Variants in NKAIN2 observed in about 807,000 individuals in gnomAD.
The protein encoded by NKAIN2 is sodium/potassium-transporting ATPase subunit beta-1-interacting protein 2.
NKAIN2 carries 14 observed loss-of-function variants against 32.6 expected under a neutral mutation model. That is an observed-to-expected ratio of 0.43 (90% CI 0.28 to 0.67). The LOEUF (loss-of-function observed/expected upper bound fraction) is 0.67. NKAIN2 is among the 30% of genes least tolerant of loss of function. NKAIN2 has a pLI of 0.17. For synonymous variants in NKAIN2, 80 were observed against 87.2 expected (o/e 0.92, Z 0.46); for missense variants, 198 against 258.3 (o/e 0.77, Z 1.60).
At chr6:124,412,663 A>C (rs1179702669) in intron 3 of NKAIN2, among the ~76,000 whole-genome samples, 2 of 152,102 alleles carry the variant, frequency 1.3e-5, no homozygotes, top group African/African-American at 4.8e-5. Context: ...CTCAGATCTC[A>C]AGCTGCGTGC....
At chr6:124,137,476 C>T (rs1786874734) in intron 1 of NKAIN2, among the ~76,000 whole-genome samples, 1 of 151,936 alleles carries the variant, frequency 6.6e-6, no homozygotes, top group Non-Finnish European at 1.5e-5. Flanking sequence ...ATCAAAATAC[C>T]ATCATTATTC....
intron 3 of NKAIN2, among the ~76,000 whole-genome samples, chr6:124,553,440 T>G (rs928317129): frequency 1.3e-5 from 2 of 152,136 alleles, no homozygotes; most frequent in African/African-American, 4.8e-5. Flanking sequence ...CCCGAGTAGC[T>G]GGGATTACAG....
chr6:123,884,496 G>A (rs1305526517), intron 1 of NKAIN2, among the ~76,000 whole-genome samples: 3 of 152,094 alleles, frequency 2.0e-5, no homozygotes, highest in Admixed American at 6.6e-5. Flanking sequence ...GGGTGGGTGT[G>A]TGTGTTTCTT....
intron 3 of NKAIN2, among the ~76,000 whole-genome samples, chr6:124,613,349 C>T (rs1782764795): frequency 6.6e-6 from 1 of 152,156 alleles, no homozygotes; most frequent in Non-Finnish European, 1.5e-5. Context: ...GCCTTTCATG[C>T]ATGTCTTCCT....
chr6:124,323,015 C>G (rs1305962321), intron 2 of NKAIN2, among the ~76,000 whole-genome samples: 1 of 152,124 alleles, frequency 6.6e-6, no homozygotes, highest in Non-Finnish European at 1.5e-5. Context: ...TTTGCATTTC[C>G]CTAATGGCTA....
intron 1 of NKAIN2, among the ~76,000 whole-genome samples, chr6:124,271,616 C>T (rs986831266): frequency 2.1e-4 from 32 of 152,304 alleles, no homozygotes; most frequent in African/African-American, 7.0e-4. Context: ...GAATACGAAG[C>T]TGCTATAAAG....
At chr6:124,600,726 C>T (rs1782272843) in intron 3 of NKAIN2, among the ~76,000 whole-genome samples, 1 of 151,960 alleles carries the variant, frequency 6.6e-6, no homozygotes, top group African/African-American at 2.4e-5. Flanking sequence ...TGTAAACCTC[C>T]TATAGATAAA....
chr6:124,617,512 C>A (rs548986572), intron 3 of NKAIN2, among the ~76,000 whole-genome samples: 3 of 152,248 alleles, frequency 2.0e-5, no homozygotes, highest in Middle Eastern at 3.4e-3. Context: ...GATCTTCCTT[C>A]CTTGTAAAAT....
chr6:124,229,533 T>TAGATAGATAGACAGACAGACAGACAGAC (rs1298590453), intron 1 of NKAIN2, among the ~76,000 whole-genome samples: 6 of 149,066 alleles, frequency 4.0e-5, no homozygotes, highest in African/African-American at 1.5e-4. Flanking sequence ...GATAGATAGA[T>TAGATAGATAGACAGACAGACAGACAGAC]AGACAGACAG....
intron 1 of NKAIN2, among the ~76,000 whole-genome samples, chr6:123,997,143 TA>T (rs1187376666): frequency 6.6e-6 from 1 of 152,192 alleles, no homozygotes; most frequent in Admixed American, 6.5e-5. Context: ...GATCAGAAGA[TA>T]AAGGTGTTAA....
intron 2 of NKAIN2, among the ~76,000 whole-genome samples, chr6:124,323,165 A>G (rs982900750): frequency 6.6e-6 from 1 of 152,166 alleles, no homozygotes; most frequent in Non-Finnish European, 1.5e-5. Context: ...TAAATATAAT[A>G]AATATAAGTT....
At chr6:124,643,842 ACT>A (rs1784075166) in intron 3 of NKAIN2, among the ~76,000 whole-genome samples, 1 of 152,138 alleles carries the variant, frequency 6.6e-6, no homozygotes, top group Non-Finnish European at 1.5e-5. Context: ...TTAAATTGCA[ACT>A]CTCACACTCC....
At chr6:124,664,751 G>C (rs1277932294) in intron 4 of NKAIN2, among the ~76,000 whole-genome samples, 1 of 108,866 alleles carries the variant, frequency 9.2e-6, no homozygotes, top group African/African-American at 3.5e-5. Context: ...CCGAGATCCC[G>C]CCACTGCACT....
rs576468663 is a variant in NKAIN2, at chr6:124,526,088, ATATG to A, written c.274-132097_274-132094del. On this transcript the variant is annotated intron_variant, in intron 3 of 6. Transcript: ENST00000368417. ...AGGAGGGCAATGCATATGAAGTAGA[ATATG>A]CAATGGGAATCTTCTAGATAGAAGA... is the stretch of plus-strand genomic sequence containing the variant. Among the ~76,000 whole-genome samples the A allele has an allele frequency of 3.2e-4, 48 of 152,302 alleles. 1 individual carries two copies. In the South Asian group the frequency reaches 9.3e-3, roughly 30 times the overall value.
chr6:124,806,609 T>C (rs1395807779), intron 5 of NKAIN2, among the ~76,000 whole-genome samples: 1 of 151,804 alleles, frequency 6.6e-6, no homozygotes, highest in Non-Finnish European at 1.5e-5. Flanking sequence ...GCTAACATCA[T>C]AATGACAGGT....
At chr6:123,935,926 A>G (rs1007545115) in intron 1 of NKAIN2, among the ~76,000 whole-genome samples, 17 of 151,996 alleles carry the variant, frequency 1.1e-4, no homozygotes, top group Non-Finnish European at 1.9e-4. Flanking sequence ...TTCTTTAGGG[A>G]AAAAAATAGA....
chr6:124,769,877 T>G (rs960717872), intron 4 of NKAIN2, among the ~76,000 whole-genome samples: 2 of 152,178 alleles, frequency 1.3e-5, no homozygotes, highest in African/African-American at 4.8e-5. Flanking sequence ...GCACACTCTA[T>G]ATTGACATTC....
rs1344181296 is a variant in NKAIN2, at chr6:124,380,973, A to G, written c.273+25626A>G. The stretch of plus-strand genomic sequence containing the variant: ...TCGAAGTGTAACTTCAAAGAAGACT[A>G]TCTACTATTATTTGAAACATTCACA... On this transcript the variant is annotated intron_variant, in intron 3 of 6. Transcript: ENST00000368417. Among the ~76,000 whole-genome samples the G allele has an allele frequency of 3.9e-5, 6 of 152,324 alleles. No individual in the cohort carries two copies. In the South Asian group the frequency reaches 8.3e-4, roughly 21 times the overall value.
At chr6:124,773,527 G>A (rs1044180240) in intron 4 of NKAIN2, among the ~76,000 whole-genome samples, 2 of 152,084 alleles carry the variant, frequency 1.3e-5, no homozygotes, top group African/African-American at 4.8e-5. Context: ...AGGCCTGCAG[G>A]CTGGATAGCA....
Sources: allele counts gnomAD v4.1 joint callset (sites outside exome capture counted in the v4.1 genomes callset), GRCh38; gene constraint gnomAD v4.1.1; transcripts MANE v1.5; gene names NCBI Gene and HGNC (gene_info 2026-07-23, HGNC 2026-07-21).